TMTC2: variants seen among roughly 807,000 people sequenced by gnomAD.
The protein encoded by TMTC2 is transmembrane O-mannosyltransferase targeting cadherins 2.
Under a neutral mutation model 82.4 loss-of-function variants are expected in TMTC2, and 43 were observed. The observed-to-expected ratio is 0.52, with a 90% confidence interval of 0.41 to 0.67. The LOEUF is 0.67. Among genes scored for constraint, TMTC2 ranks in the 30% least tolerant of loss-of-function variants. The probability of loss-of-function intolerance (pLI) is 0.00; values close to 1 mark genes in which losing one functional copy is unlikely to be tolerated. For missense variants in TMTC2, 919 were observed against 1,012.4 expected, an observed-to-expected ratio of 0.91 and a Z score of 1.25; for synonymous variants, 408 against 381.9, an observed-to-expected ratio of 1.07 and a Z score of -0.80.
At chr12:82,843,591 C>A (rs1000707875) in intron 1 of TMTC2, among the ~76,000 whole-genome samples, 1 of 152,124 alleles carries the variant, frequency 6.6e-6, no homozygotes, top group African/African-American at 2.4e-5. Context: ...AGGATTATTG[C>A]AAACATTTGT....
intron 11 of TMTC2, among the ~76,000 whole-genome samples, chr12:83,084,438 C>A (rs1403391802): frequency 6.6e-6 from 1 of 151,962 alleles, no homozygotes; most frequent in Non-Finnish European, 1.5e-5. Flanking sequence ...ACTTGCCAGT[C>A]GTTTTCAAAG....
At chr12:82,704,013 A>G (rs1873225579) in intron 1 of TMTC2, among the ~76,000 whole-genome samples, 1 of 152,222 alleles carries the variant, frequency 6.6e-6, no homozygotes, top group Non-Finnish European at 1.5e-5. Flanking sequence ...TGCTATAATC[A>G]TAGTAAATAC....
intron 1 of TMTC2, among the ~76,000 whole-genome samples, chr12:82,745,572 C>A (rs964500230): frequency 6.6e-6 from 1 of 152,150 alleles, no homozygotes; most frequent in East Asian, 1.9e-4. Flanking sequence ...ATGTTCATTA[C>A]CAGTAAACAT....
chr12:82,721,908 G>C (rs1874223538), intron 1 of TMTC2, among the ~76,000 whole-genome samples: 1 of 152,170 alleles, frequency 6.6e-6, no homozygotes, highest in Non-Finnish European at 1.5e-5. Flanking sequence ...TAGAAATGAA[G>C]AAATTGAGAT....
At chr12:82,968,115 G>A (rs1467944503) in intron 7 of TMTC2, among the ~76,000 whole-genome samples, 1 of 152,080 alleles carries the variant, frequency 6.6e-6, no homozygotes, top group Non-Finnish European at 1.5e-5. Flanking sequence ...AAATTATTTG[G>A]AAGAGGTTAA....
At chr12:83,001,690 G>T (rs7487579) in intron 8 of TMTC2, among the ~76,000 whole-genome samples, 1 of 149,274 alleles carries the variant, frequency 6.7e-6, no homozygotes, top group Non-Finnish European at 1.5e-5. Flanking sequence ...CCAGATACCC[G>T]AAGTCATCTC....
At chr12:82,733,078 T>TC (rs1243162410) in intron 1 of TMTC2, among the ~76,000 whole-genome samples, 2 of 152,234 alleles carry the variant, frequency 1.3e-5, no homozygotes, top group African/African-American at 4.8e-5. Flanking sequence ...TTATTTTTTT[T>TC]CAAAATGTTT....
intron 7 of TMTC2, among the ~76,000 whole-genome samples, chr12:82,980,119 C>T (rs374937883): frequency 1.2e-4 from 18 of 151,650 alleles, no homozygotes; most frequent in East Asian, 9.7e-4. Context: ...ATTCGTAACT[C>T]GGTGCTGGGT....
At chr12:82,947,824 G>A (rs1277742796) in intron 4 of TMTC2, among the ~76,000 whole-genome samples, 1 of 152,124 alleles carries the variant, frequency 6.6e-6, no homozygotes, top group Non-Finnish European at 1.5e-5. Flanking sequence ...GTGCTGCTGA[G>A]TGTATTTGCC....
intron 7 of TMTC2, among the ~76,000 whole-genome samples, chr12:82,984,075 T>G (rs1199594658): frequency 6.6e-6 from 1 of 151,874 alleles, no homozygotes; most frequent in African/African-American, 2.4e-5. Flanking sequence ...CAATTTCTAA[T>G]CTATCATTTT....
chr12:83,063,796 T>A (rs867614227), intron 11 of TMTC2, among the ~76,000 whole-genome samples: 62 of 152,030 alleles, frequency 4.1e-4, no homozygotes, highest in Middle Eastern at 6.8e-3. Context: ...GGTTAGGAGC[T>A]ACAATCTAGT....
At chr12:83,091,686 T>G (rs59976494) in intron 11 of TMTC2, among the ~76,000 whole-genome samples, 8,357 of 152,338 alleles carry the variant, frequency 0.055, 340 homozygotes, top group East Asian at 0.22. Flanking sequence ...TCTGTGAGAC[T>G]TGATTTTCAT....
intron 1 of TMTC2, among the ~76,000 whole-genome samples, chr12:82,797,242 T>C (rs929421988): frequency 2.6e-5 from 4 of 152,332 alleles, no homozygotes; most frequent in Middle Eastern, 6.8e-3. Context: ...ATATTTCCCA[T>C]ATAGCCTAGG....
chr12:82,725,385 T>C (rs997519365), intron 1 of TMTC2, among the ~76,000 whole-genome samples: 6 of 152,244 alleles, frequency 3.9e-5, no homozygotes, highest in Admixed American at 1.3e-4. Flanking sequence ...TAATTTTTTA[T>C]TGGACAGGTC....
chr12:82,916,099 G>A (rs972908031), intron 3 of TMTC2, among the ~76,000 whole-genome samples: 2 of 152,186 alleles, frequency 1.3e-5, no homozygotes, highest in East Asian at 1.9e-4. Flanking sequence ...CATGGGCTAT[G>A]CGATCAGCCA....
intron 9 of TMTC2, among the ~76,000 whole-genome samples, chr12:83,048,130 A>G (rs899021768): frequency 6.6e-6 from 1 of 152,252 alleles, no homozygotes. Flanking sequence ...TTTGAATACA[A>G]GTAGTAATTA....
At chr12:82,887,101 G>T (rs774053761) in intron 2 of TMTC2, among the ~76,000 whole-genome samples, 24 of 152,016 alleles carry the variant, frequency 1.6e-4, no homozygotes, top group Non-Finnish European at 2.4e-4. Flanking sequence ...CATTGCCAAG[G>T]GCTTAATTTG....
intron 4 of TMTC2, among the ~76,000 whole-genome samples, chr12:82,962,244 C>CAA (rs1877973719): frequency 6.6e-6 from 1 of 151,994 alleles, no homozygotes; most frequent in East Asian, 1.9e-4. Flanking sequence ...TGATTTTGGG[C>CAA]TTTAGGTACA....
chr12:82,687,486 GGGA>G lies in TMTC2; in HGVS notation c.-96_-94del, dbSNP rs1872371932. The G allele has an allele frequency of 8.8e-7, 1 of 1,140,234 alleles. No individual in the cohort carries two copies. Among genetic ancestry groups the G allele is most frequent in the Non-Finnish European group, 1.3e-6 (1 of 785,740 alleles). 70.6% of individuals were successfully genotyped at this position (1,140,234 alleles called of 1,614,324 possible). On this transcript the variant is annotated 5_prime_UTR_variant, in exon 1 of 12. Coordinates refer to ENST00000321196, the MANE Select transcript of TMTC2 (RefSeq NM_152588.3). ...GGGGAAGCGAGGGAAAAGTGAAGCT[GGGA>G]GGAGAAGGCGGCGGAAGGTGGAGAT...
Sources: gnomAD v4.1 joint callset for allele counts (sites outside exome capture counted in the v4.1 genomes callset) on GRCh38, gnomAD v4.1.1 for gene constraint, MANE v1.5 for transcripts, NCBI Gene and HGNC (gene_info 2026-07-23, HGNC 2026-07-21) for gene names.